The following ITPR3 variants were observed in gnomAD, a reference collection of about 807,000 sequenced individuals.
ITPR3 encodes the protein inositol 1,4,5-trisphosphate receptor type 3.
ITPR3 carries 173 observed loss-of-function variants against 293.2 expected under a neutral mutation model. The observed-to-expected ratio is 0.59, with a 90% confidence interval of 0.52 to 0.67. The LOEUF (loss-of-function observed/expected upper bound fraction) is 0.67. Among genes scored for constraint, ITPR3 ranks in the 30% least tolerant of loss-of-function variants. The pLI is 0.00. For missense variants in ITPR3, 2,796 were observed against 3,592.1 expected (o/e 0.78, Z 5.66); for synonymous variants, 1,295 against 1,444.4 (o/e 0.90, Z 2.35).
chr6:33,633,041 G>A lies in ITPR3; in HGVS notation c.90-7443G>A, dbSNP rs1763719747. The stretch of plus-strand genomic sequence containing the variant: ...GTGGTAAGAACACAATGAGATACTG[G>A]ATGTAAAAACGATTGATAAACTATA... On this transcript the variant is annotated intron_variant, in intron 1 of 57. Coordinates refer to ENST00000605930, the MANE Select transcript of ITPR3 (RefSeq NM_002224.4). This position sits in a 1 kb window ranked among gnomAD's most constrained non-coding sequence, Gnocchi z 5.2. Among the ~76,000 whole-genome samples, 1 of 152,244 alleles carries A rather than the reference G, an allele frequency of 6.6e-6. No homozygotes were observed. The highest frequency in any genetic ancestry group is 6.5e-5 in the Admixed American group (1 of 15,292).
Position 33,632,291 on chromosome 6 carries a change from C to T in ITPR3, c.90-8193C>T, listed in dbSNP as rs1763702114. On this transcript the variant is annotated intron_variant, in intron 1 of 57. Coordinates refer to ENST00000605930, the MANE Select transcript of ITPR3 (RefSeq NM_002224.4). The surrounding 1 kb of genome is among the most constrained non-coding windows in gnomAD (Gnocchi z 4.1). The stretch of plus-strand genomic sequence containing the variant: ...GGATTTCCCCAGTCTGTCATTCCCC[C>T]AGTCTGTCATTCCCCCTCCCATGGT... Among the ~76,000 whole-genome samples the T allele has an allele frequency of 6.6e-6, 1 of 152,174 alleles. No homozygotes were observed. The highest frequency in any genetic ancestry group is 2.4e-5 in the African/African-American group (1 of 41,420).
intron 2 of ITPR3, among the ~76,000 whole-genome samples, chr6:33,649,211 A>G (rs980994896): frequency 1.4e-5 from 2 of 147,228 alleles, no homozygotes; most frequent in Non-Finnish European, 3.0e-5. Flanking sequence ...CCTATGCCAC[A>G]TGTATTTTTA....
chr6:33,659,425 G>A (rs1764398637), intron 6 of ITPR3, 41 bp from the exon 7 acceptor site: 2 of 1,569,202 alleles, frequency 1.3e-6, no homozygotes, highest in Non-Finnish European at 1.8e-6. Context: ...CTCAGTGGCT[G>A]GGGTCCACCT....
intron 27 of ITPR3, 72 bp downstream of exon 27, chr6:33,677,161 CCCCTGTGCCTCT>C: frequency 2.2e-6 from 3 of 1,366,784 alleles, no homozygotes; most frequent in Admixed American, 3.5e-5. Flanking sequence ...CTGGCCCGGC[CCCCTGTGCCTCT>C]CCCTGTGCTG....
chr6:33,671,098 C>T, intron 20 of ITPR3, 67 bp from the exon 21 acceptor site: 1 of 1,595,598 alleles, frequency 6.3e-7, no homozygotes, highest in Non-Finnish European at 8.5e-7. Context: ...CCTGGCCTGC[C>T]CTCCACGAAG....
In ITPR3 at chr6:33,675,742, G is replaced by A. The variant is rs1359724894; in HGVS notation, c.3168G>A (p.Leu1056=). ...EVDDEGGRMF[L]RVLIHLTMHD... is the part of the protein sequence containing the mutation. ...ATGACGAGGGCGGCCGCATGTTCCT[G>A]CGCGTGCTCATCCACCTCACCATGC... is the stretch of plus-strand genomic sequence containing the variant. Residue 1056 remains leucine (L), a synonymous_variant, in exon 25 of 58, where the codon CTG becomes CTA. Coordinates refer to ENST00000605930, the MANE Select transcript of ITPR3 (RefSeq NM_002224.4). This position sits in a 1 kb window ranked among gnomAD's most constrained non-coding sequence, Gnocchi z 5.0. The A allele has an allele frequency of 1.2e-6, 2 of 1,613,072 alleles. No homozygotes were observed. The highest frequency in any genetic ancestry group is 1.7e-6 in the Non-Finnish European group (2 of 1,179,850).
At chr6:33,663,376 C>A in intron 9 of ITPR3, 124 bp from the exon 10 acceptor site, 1 of 758,548 alleles carries the variant, frequency 1.3e-6, no homozygotes, top group Non-Finnish European at 2.1e-6. Flanking sequence ...TATGGGCACC[C>A]CTGGGAGGGT....
chr6:33,672,057 C>T lies in ITPR3; in HGVS notation c.2757C>T (p.Gly919=), dbSNP rs1476009861. Reference sequence around the variant, plus strand: ...AGAATGTGCGGCGGTCCATCCAGGGCGTGGGGCACATGATGTCCACCATGG... The same window carrying T: ...AGAATGTGCGGCGGTCCATCCAGGGTGTGGGGCACATGATGTCCACCATGG... The part of the protein sequence containing the change: ...GGKNVRRSIQ[G]VGHMMSTMVL... The change falls in exon 22 of 58, where the codon GGC becomes GGT. Residue 919 remains glycine, a synonymous_variant. Transcript: ENST00000605930. The surrounding 1 kb of genome is among the most constrained non-coding windows in gnomAD (Gnocchi z 5.0). 10 of 1,611,390 alleles carry T rather than the reference C, an allele frequency of 6.2e-6. No homozygotes were observed. The highest frequency in any genetic ancestry group is 2.2e-5 in the East Asian group (1 of 44,844).
intron 27 of ITPR3, 85 bp from the exon 28 acceptor site, chr6:33,677,419 C>T (rs1047036561): frequency 3.2e-6 from 5 of 1,568,304 alleles, no homozygotes; most frequent in Non-Finnish European, 4.3e-6. Context: ...TCCCGGGTGC[C>T]AGCTGGAACT....
At chr6:33,662,016 A>AAAAAAAAC in intron 7 of ITPR3, among the ~76,000 whole-genome samples, 1 of 147,454 alleles carries the variant, frequency 6.8e-6, no homozygotes, top group African/African-American at 2.6e-5. Flanking sequence ...AAAAAAAAAA[A>AAAAAAAAC]AGACAGGATC....
At chr6:33,689,715 C>T (rs1765338757) in intron 50 of ITPR3, among the ~76,000 whole-genome samples, 2 of 152,198 alleles carry the variant, frequency 1.3e-5, no homozygotes, top group South Asian at 2.1e-4. Context: ...ACGCGGCAGA[C>T]GTGAAGATTC....
At position 33,686,981 on chromosome 6, in the gene ITPR3, G is replaced by A. The variant is rs780361901; in HGVS notation, c.5980-28G>A. On this transcript the variant is annotated intron_variant, in intron 43 of 57. Coordinates refer to ENST00000605930, the MANE Select transcript of ITPR3 (RefSeq NM_002224.4). Reference sequence around the variant, plus strand: ...AGGGGCATGGTGTCCTGAGACTGTGGCCTGCCTCCCTCTGCCCCTCCACCC... The same window carrying A: ...AGGGGCATGGTGTCCTGAGACTGTGACCTGCCTCCCTCTGCCCCTCCACCC... The A allele has an allele frequency of 1.9e-6, 3 of 1,578,910 alleles. No individual in the cohort carries two copies. In the African/African-American group the frequency reaches 4.0e-5, roughly 21 times the overall value.
chr6:33,636,913 C>T (rs1343433857), intron 1 of ITPR3, among the ~76,000 whole-genome samples: 5 of 152,176 alleles, frequency 3.3e-5, no homozygotes, highest in African/African-American at 9.7e-5. Flanking sequence ...ACAGAGGACC[C>T]TCTGCCGTCC....
rs771412494 is a variant in ITPR3 at position 33,678,536 on chromosome 6, CGCCAGG to C, written c.3766_3771del (p.Pro1256_Gly1257del). ...CACAAACACCTGCACCTCTTCCTCA[CGCCAGG>C]GGTGAGGGTGCAGGGCTGGGAGCAC... On this transcript the variant is annotated inframe_deletion and splice_region_variant, in exon 29 of 58. Transcript: ENST00000605930. 6.2e-7 allele frequency: 1 copy of C among 1,609,764 alleles called. No homozygotes were observed.
rs1467027532 is a variant in ITPR3, at chr6:33,682,521, C to T, written c.4477-3C>T. On this transcript the variant is annotated splice_region_variant and splice_polypyrimidine_tract_variant and intron_variant, in intron 33 of 57. Transcript: ENST00000605930. The surrounding 1 kb of genome is among the most constrained non-coding windows in gnomAD (Gnocchi z 5.4). ...CAGCAGCGGGCTCTGTGACTTCTTGCAGACACACCAGACGATTGTGGTGCA... is the reference window on the plus strand; with the variant it reads ...CAGCAGCGGGCTCTGTGACTTCTTGTAGACACACCAGACGATTGTGGTGCA... The T allele has an allele frequency of 2.6e-6, 4 of 1,516,318 alleles. No homozygotes were observed. The highest frequency in any genetic ancestry group is 3.5e-4 in the Middle Eastern group (2 of 5,718). The allele number at this position is 1,516,318 out of a possible 1,614,324, so 93.9% of individuals were successfully genotyped here.
At position 33,691,830 on chromosome 6, in the gene ITPR3, G is replaced by A. The variant is rs932127084; in HGVS notation, c.7360G>A (p.Ala2454Thr). 1.9e-6 allele frequency: 3 copies of A among 1,614,022 alleles called. No individual in the cohort carries two copies. The highest frequency in any genetic ancestry group is 2.5e-6 in the Non-Finnish European group (3 of 1,180,010). The change falls in exon 54 of 58, where the codon GCC becomes ACC. Residue 2454 changes from alanine to threonine, a missense_variant. Ala to Thr is a moderately conservative substitution (Grantham distance 58). Around this residue, in one of 8 missense-constraint regions of ITPR3, gnomAD observed 568 missense variants for 796.1 expected, o/e 0.71. Transcript: ENST00000605930. This position sits in a 1 kb window ranked among gnomAD's most constrained non-coding sequence, Gnocchi z 4.9. ...CAGGGAGCTGGACAGCACAGAGCGG[G>A]CCTGTGACACTCTGTTGATGTGCAT... Reference protein sequence around the residue: ...EDRELDSTERACDTLLMCIVT... With the variant: ...EDRELDSTERTCDTLLMCIVT...
At chr6:33,662,477 T>C (rs1377379194) in intron 7 of ITPR3, 51 bp from the exon 8 acceptor site, 1 of 1,533,852 alleles carries the variant, frequency 6.5e-7, no homozygotes, top group African/African-American at 1.4e-5. Flanking sequence ...GGGTGGGTCC[T>C]TGAGCCTGGA....
intron 1 of ITPR3, among the ~76,000 whole-genome samples, chr6:33,637,851 G>A (rs1007741042): frequency 2.0e-5 from 3 of 147,860 alleles, no homozygotes; most frequent in African/African-American, 7.5e-5. Context: ...GATTCGCCAT[G>A]TTGGCCAGGT....
rs1763708592 is a variant in ITPR3, at chr6:33,632,616, C to G, written c.90-7868C>G. On this transcript the variant is annotated intron_variant, in intron 1 of 57. Transcript: ENST00000605930. The surrounding 1 kb of genome is among the most constrained non-coding windows in gnomAD (Gnocchi z 4.1). ...CCTAGAACAAGCTGTCAACCAGCTC[C>G]TCTCCAGAGGGCCCAGAACAGCCCT... is the stretch of plus-strand genomic sequence containing the variant. Among the ~76,000 whole-genome samples, 1 of 152,236 alleles carries G rather than the reference C, an allele frequency of 6.6e-6. No homozygotes were observed. Among genetic ancestry groups the G allele is most frequent in the African/African-American group, 2.4e-5 (1 of 41,452 alleles).
Sources: allele counts gnomAD v4.1 joint callset (sites outside exome capture counted in the v4.1 genomes callset), GRCh38; gene constraint gnomAD v4.1.1; regional missense constraint gnomAD v4.1.1; non-coding constraint Gnocchi (gnomAD v3.1); transcripts MANE v1.5; gene names NCBI Gene and HGNC (gene_info 2026-07-23, HGNC 2026-07-21).